Variants in MTHFD1L observed in about 807,000 individuals in gnomAD.
MTHFD1L encodes methylenetetrahydrofolate dehydrogenase (NADP+ dependent) 1 like.
A neutral mutation model predicts 119.5 loss-of-function variants in MTHFD1L; 81 were observed. The observed-to-expected ratio is 0.68, with a 90% CI of 0.57 to 0.82. The LOEUF is 0.82. MTHFD1L is among the 40% of genes least tolerant of loss of function. The pLI is 0.00. For synonymous variants in MTHFD1L, 430 were observed against 475.2 expected, an observed-to-expected ratio of 0.90 and a Z score of 1.24; for missense variants, 1,125 against 1,253.4, an observed-to-expected ratio of 0.90 and a Z score of 1.55.
At chr6:150,904,688 G>A (rs943868605) in intron 7 of MTHFD1L, among the ~76,000 whole-genome samples, 2 of 152,146 alleles carry the variant, frequency 1.3e-5, no homozygotes, top group African/African-American at 4.8e-5. Context: ...TCATTCTTTG[G>A]TTAAAGTCAA....
chr6:150,975,354 A>G (rs1776410230), intron 20 of MTHFD1L, among the ~76,000 whole-genome samples: 1 of 152,150 alleles, frequency 6.6e-6, no homozygotes. Context: ...AAGCCAGTGT[A>G]TTGCACAGTG....
At chr6:150,935,366 A>G (rs1791880041) in intron 11 of MTHFD1L, 2 of 1,613,884 alleles carry the variant, frequency 1.2e-6, no homozygotes, top group Non-Finnish European at 1.7e-6. Context: ...TATAGTTGCT[A>G]ACAAACAAGA....
At position 151,050,721 on chromosome 6, in the gene MTHFD1L, G is replaced by T. The variant is rs147331336; in HGVS notation, c.2847+13604G>T. On this transcript the variant is annotated intron_variant, in intron 26 of 27. Transcript: ENST00000367321. ...CACCCCACCTGGTGTCTGCTGCTTG[G>T]TGTATGGGGAAACCCCATACACATT... Among the ~76,000 whole-genome samples the T allele has an allele frequency of 2.5e-3, 376 of 152,118 alleles. 2 individuals are homozygous for T. The highest frequency in any genetic ancestry group is 0.014 in the Middle Eastern group (4 of 294).
intron 7 of MTHFD1L, among the ~76,000 whole-genome samples, chr6:150,891,988 G>A (rs1783371815): frequency 6.6e-6 from 1 of 152,208 alleles, no homozygotes; most frequent in African/African-American, 2.4e-5. Context: ...ATCTTTGCAT[G>A]GCAGGTGGAT....
chr6:151,071,168 G>A (rs1416904522), intron 26 of MTHFD1L, among the ~76,000 whole-genome samples: 1 of 152,124 alleles, frequency 6.6e-6, no homozygotes, highest in Non-Finnish European at 1.5e-5. Context: ...ACTTACTTTA[G>A]GTTTATAGAA....
chr6:151,008,909 G>A (rs931149452), intron 20 of MTHFD1L, among the ~76,000 whole-genome samples: 1 of 151,790 alleles, frequency 6.6e-6, no homozygotes, highest in Non-Finnish European at 1.5e-5. Flanking sequence ...CTGAGATCAG[G>A]ACTTTGAGAC....
intron 11 of MTHFD1L, among the ~76,000 whole-genome samples, chr6:150,932,904 GAA>G: frequency 6.9e-6 from 1 of 145,644 alleles, no homozygotes; most frequent in African/African-American, 2.6e-5. Context: ...GGAAAAGAGA[GAA>G]AGAAAGAGAA....
chr6:151,039,503 C>T lies in MTHFD1L; in HGVS notation c.2847+2386C>T, dbSNP rs1224809567. On this transcript the variant is annotated intron_variant, in intron 26 of 27. Transcript: ENST00000367321. This position sits in a 1 kb window ranked among gnomAD's most constrained non-coding sequence, Gnocchi z 4.4. ...TCCTGGGCTCAAGCAATCCTCCCAC[C>T]TCAGCTTCCCAAGTAGCTGTGACTA... 2.0e-5 allele frequency among the ~76,000 whole-genome samples: 3 copies of T among 152,176 alleles called. No individual in the cohort carries two copies. Among genetic ancestry groups the T allele is most frequent in the Non-Finnish European group, 4.4e-5 (3 of 68,040 alleles).
chr6:151,056,114 G>A (rs1484927359), intron 26 of MTHFD1L: 1 of 152,170 alleles, frequency 6.6e-6, no homozygotes, highest in Non-Finnish European at 1.5e-5. Flanking sequence ...CTTGCACTCT[G>A]GAACTCTCCT....
At chr6:150,889,247 A>G (rs1252043590) in intron 7 of MTHFD1L, among the ~76,000 whole-genome samples, 3 of 152,202 alleles carry the variant, frequency 2.0e-5, no homozygotes, top group Admixed American at 2.0e-4. Context: ...TGAGTCTAGC[A>G]TAGGATTACT....
intron 26 of MTHFD1L, among the ~76,000 whole-genome samples, chr6:151,086,783 G>A (rs1793848871): frequency 6.6e-6 from 1 of 152,116 alleles, no homozygotes; most frequent in African/African-American, 2.4e-5. Context: ...TCCTACCTGA[G>A]CCTCTCAAAG....
In MTHFD1L at chr6:151,092,500, T is replaced by A; in HGVS notation, c.2881T>A (p.Cys961Ser). 1 of 1,614,174 alleles carries A rather than the reference T, an allele frequency of 6.2e-7. No individual in the cohort carries two copies. The highest frequency in any genetic ancestry group is 8.5e-7 in the Non-Finnish European group (1 of 1,180,034). ...CATGCCAGGACTGCCCACCCGGCCCTGCTTTTATGACATAGATCTTGATAC... is the reference window on the plus strand; with the variant it reads ...CATGCCAGGACTGCCCACCCGGCCCAGCTTTTATGACATAGATCTTGATAC... The part of the protein sequence containing the change: ...STMPGLPTRP[C>S]FYDIDLDTET... The change falls in exon 27 of 28, where the codon TGC becomes AGC. Residue 961 changes from cysteine (C) to serine (S), a missense_variant. Around this residue, in one of 3 missense-constraint regions of MTHFD1L, gnomAD observed 61 missense variants for 78.9 expected, o/e 0.77. Coordinates refer to ENST00000367321, the MANE Select transcript of MTHFD1L (RefSeq NM_015440.5).
At chr6:150,879,103 G>C (rs892606854) in intron 4 of MTHFD1L, among the ~76,000 whole-genome samples, 3 of 152,102 alleles carry the variant, frequency 2.0e-5, no homozygotes, top group Non-Finnish European at 4.4e-5. Context: ...TAAAAACCAA[G>C]AGTTTATTAC....
At chr6:150,951,948 C>T (rs1044254956) in intron 16 of MTHFD1L, among the ~76,000 whole-genome samples, 6 of 152,068 alleles carry the variant, frequency 3.9e-5, no homozygotes, top group African/African-American at 1.4e-4. Context: ...AATTGGTATT[C>T]TTTGGTGTCT....
rs542784863 is a variant in MTHFD1L at position 150,902,258 on chromosome 6, C to T, written c.781-3392C>T. ...AAAAATTCATGACTTTGAGAAAATT[C>T]GTCTTCATGTTATCTAAACTACTGC... On this transcript the variant is annotated intron_variant, in intron 7 of 27. Transcript: ENST00000367321. 8.5e-4 allele frequency among the ~76,000 whole-genome samples: 129 copies of T among 152,180 alleles called. 1 individual carries two copies. Among genetic ancestry groups the T allele is most frequent in the Admixed American group, 1.3e-4 (2 of 15,286 alleles).
chr6:151,029,623 C>T (rs945384743), intron 24 of MTHFD1L, among the ~76,000 whole-genome samples: 8 of 151,630 alleles, frequency 5.3e-5, no homozygotes, highest in Admixed American at 2.0e-4. Context: ...ATGGTGAAAC[C>T]CTGTCTCTAC....
At chr6:150,867,490 C>G (rs553181257) in intron 1 of MTHFD1L, among the ~76,000 whole-genome samples, 1 of 152,234 alleles carries the variant, frequency 6.6e-6, no homozygotes, top group South Asian at 2.1e-4. Flanking sequence ...AGGTTTTAAC[C>G]TGCACGTTGC....
intron 20 of MTHFD1L, among the ~76,000 whole-genome samples, chr6:150,973,115 G>A (rs960605259): frequency 7.2e-5 from 11 of 152,210 alleles, no homozygotes; most frequent in Admixed American, 2.6e-4. Flanking sequence ...TTAACCACAC[G>A]TATACCTATA....
intron 26 of MTHFD1L, among the ~76,000 whole-genome samples, chr6:151,077,303 C>T (rs1792619715): frequency 6.6e-6 from 1 of 152,144 alleles, no homozygotes; most frequent in Non-Finnish European, 1.5e-5. Flanking sequence ...GGGGAAAAAA[C>T]AAAACATGCA....
Sources: gnomAD v4.1 joint callset for allele counts (sites outside exome capture counted in the v4.1 genomes callset) on GRCh38, gnomAD v4.1.1 for gene constraint, gnomAD v4.1.1 regional missense constraint, Gnocchi (gnomAD v3.1) non-coding constraint, MANE v1.5 for transcripts, NCBI Gene and HGNC (gene_info 2026-07-23, HGNC 2026-07-21) for gene names.